Variants in C2orf76 observed in about 807,000 individuals in gnomAD.
The protein encoded by C2orf76 is UPF0538 protein C2orf76.
C2orf76 carries 23 observed loss-of-function variants against 16.9 expected under a neutral mutation model. The ratio of observed to expected loss-of-function variants is 1.36; its 90% CI spans 0.98 to 1.93. The LOEUF (loss-of-function observed/expected upper bound fraction) is 1.93. C2orf76 is among the 30% of genes most tolerant of loss of function. The pLI is 0.00. For missense variants in C2orf76, 152 were observed against 152.6 expected (o/e 1.00, Z 0.02); for synonymous variants, 48 against 52.3 (o/e 0.92, Z 0.35).
downstream of C2orf76, among the ~76,000 whole-genome samples, chr2:119,298,482 A>T (rs1573610661): frequency 6.6e-6 from 1 of 151,772 alleles, no homozygotes; most frequent in South Asian, 2.1e-4. Flanking sequence ...TTGATCACTG[A>T]ATCTATTTTG....
chr2:119,303,292 AT>A (rs1432480599), intron 5 of C2orf76, among the ~76,000 whole-genome samples: 4 of 152,242 alleles, frequency 2.6e-5, no homozygotes, highest in Non-Finnish European at 5.9e-5. Flanking sequence ...AACATTATTA[AT>A]TCAGGCTAGA....
chr2:119,328,255 G>A (rs1046973502), intron 2 of C2orf76, among the ~76,000 whole-genome samples: 1 of 152,054 alleles, frequency 6.6e-6, no homozygotes, highest in Non-Finnish European at 1.5e-5. Flanking sequence ...TGGGCCTGGA[G>A]TTTTCTTTGT....
chr2:119,337,806 A>T lies in C2orf76; in HGVS notation c.133+2021T>A, dbSNP rs143037377. ...AAGGTGTGAGTAGGTGGGTCTGAGC[A>T]TCTCACTGTGACCAGTACCACTGCT... On this transcript the variant is annotated intron_variant, in intron 2 of 5. Coordinates refer to ENST00000334816, the MANE Select transcript of C2orf76 (RefSeq NM_001322331.2). 5.7e-3 allele frequency among the ~76,000 whole-genome samples: 866 copies of T among 152,360 alleles called. 8 individuals carry two copies. The highest frequency in any genetic ancestry group is 0.018 in the African/African-American group (760 of 41,582).
intron 1 of C2orf76, among the ~76,000 whole-genome samples, chr2:119,347,611 G>A (rs1680246421): frequency 1.3e-5 from 2 of 152,172 alleles, no homozygotes; most frequent in South Asian, 2.1e-4. Context: ...GGTGGCCCAC[G>A]CCTGTAATCC....
chr2:119,319,191 A>C (rs1207402502), intron 3 of C2orf76, among the ~76,000 whole-genome samples: 2 of 152,184 alleles, frequency 1.3e-5, no homozygotes, highest in Non-Finnish European at 2.9e-5. Context: ...TGAGCCTTTA[A>C]ACTAGAAATC....
At chr2:119,307,264 AC>A (rs34710466) in intron 5 of C2orf76, among the ~76,000 whole-genome samples, 29,588 of 151,588 alleles carry the variant, frequency 0.2, 3,109 homozygotes, top group Middle Eastern at 0.31. Flanking sequence ...ACGTGGTGAA[AC>A]CCCGTCTCTA....
chr2:119,317,821 G>T (rs77737657), intron 3 of C2orf76, among the ~76,000 whole-genome samples: 2,736 of 150,582 alleles, frequency 0.018, 80 homozygotes, highest in African/African-American at 0.063. Flanking sequence ...TTGTTTTTTT[G>T]GAGTCAATAC....
intron 1 of C2orf76, chr2:119,366,232 G>A (rs1175145027): frequency 2.4e-5 from 9 of 369,648 alleles, no homozygotes; most frequent in Non-Finnish European, 3.2e-5. Flanking sequence ...GTCTAGAACA[G>A]TGCAAGTTAC....
chr2:119,344,152 T>C (rs1680124480), intron 1 of C2orf76, among the ~76,000 whole-genome samples: 1 of 152,254 alleles, frequency 6.6e-6, no homozygotes, highest in Admixed American at 6.5e-5. Context: ...ACTATTGTCA[T>C]CTTTCTTTTA....
chr2:119,351,114 G>A (rs1281684591), intron 1 of C2orf76, among the ~76,000 whole-genome samples: 1 of 152,146 alleles, frequency 6.6e-6, no homozygotes, highest in Non-Finnish European at 1.5e-5. Context: ...TCGTGAGCTC[G>A]ACTTCACATT....
At chr2:119,308,915 G>C (rs1678885029) in intron 5 of C2orf76, among the ~76,000 whole-genome samples, 1 of 151,966 alleles carries the variant, frequency 6.6e-6, no homozygotes, top group Admixed American at 6.5e-5. Flanking sequence ...GGTGGTATAA[G>C]AGTATCCATT....
At chr2:119,353,840 G>T (rs1265224509) in intron 1 of C2orf76, among the ~76,000 whole-genome samples, 1 of 152,130 alleles carries the variant, frequency 6.6e-6, no homozygotes, top group Non-Finnish European at 1.5e-5. Flanking sequence ...TGGGATTACA[G>T]CTGTGAGCCA....
At chr2:119,332,015 T>TA (rs1056196433) in intron 2 of C2orf76, among the ~76,000 whole-genome samples, 2,280 of 148,160 alleles carry the variant, frequency 0.015, 40 homozygotes, top group African/African-American at 0.044. Context: ...TAAGTCTCCA[T>TA]AAAAAAAAAA....
chr2:119,339,740 T>C lies in C2orf76; in HGVS notation c.133+87A>G, dbSNP rs1679964208. On this transcript the variant is annotated intron_variant, in intron 2 of 5. Transcript: ENST00000334816. ...CCCAGGTTAATCTTTCAAAGTACTT[T>C]AGGATTTGTTAAAGATTATTATTAA... 5.0e-6 allele frequency: 7 copies of C among 1,388,630 alleles called. No homozygotes were observed. In the South Asian group the frequency reaches 9.6e-5, roughly 19 times the overall value. The allele number at this position is 1,388,630 out of a possible 1,614,324, so 86.0% of individuals were successfully genotyped here. A position where few individuals can be genotyped will look rare whatever the true frequency, so the allele number is the denominator to read the frequency against.
chr2:119,283,546 C>T, the C2orf76 span, among the ~76,000 whole-genome samples: 4 of 152,160 alleles, frequency 2.6e-5, no homozygotes, highest in Admixed American at 2.6e-4. Context: ...GCCATCTTGG[C>T]TCACTGCAGC....
the C2orf76 span, among the ~76,000 whole-genome samples, chr2:119,289,224 T>A: frequency 1.1e-4 from 16 of 152,146 alleles, no homozygotes; most frequent in Non-Finnish European, 1.9e-4. Context: ...GTGCGCTATG[T>A]CAGGAGGTCT....
chr2:119,328,340 T>C (rs1432468676), intron 2 of C2orf76, among the ~76,000 whole-genome samples: 2 of 152,212 alleles, frequency 1.3e-5, no homozygotes, highest in South Asian at 2.1e-4. Context: ...TGAGCTTTGA[T>C]AGTTTGGGTC....
At chr2:119,312,492 C>T (rs7592824) in intron 4 of C2orf76, among the ~76,000 whole-genome samples, 5,347 of 152,182 alleles carry the variant, frequency 0.035, 288 homozygotes, top group African/African-American at 0.12. Flanking sequence ...TCAAGTGATC[C>T]TCTGACCTTG....
chr2:119,352,024 A>G (rs1356327828), intron 1 of C2orf76, among the ~76,000 whole-genome samples: 6 of 152,178 alleles, frequency 3.9e-5, no homozygotes, highest in African/African-American at 9.6e-5. Context: ...ACTTTTTTGT[A>G]AGAGAATGGA....
Sources: gnomAD v4.1 joint callset for allele counts (sites outside exome capture counted in the v4.1 genomes callset) on GRCh38, gnomAD v4.1.1 for gene constraint, MANE v1.5 for transcripts, NCBI Gene and HGNC (gene_info 2026-07-23, HGNC 2026-07-21) for gene names.